Variants in ODF2 observed in about 807,000 individuals in gnomAD.
ODF2 encodes outer dense fiber protein 2.
In ODF2, 47 loss-of-function variants were observed where a neutral mutation model predicts 110.2. The ratio of observed to expected loss-of-function variants is 0.43; its 90% CI spans 0.34 to 0.54. ODF2 has a LOEUF of 0.54. Ranked by LOEUF, ODF2 falls within the 20% of genes least tolerant of loss-of-function variation. The pLI, the probability that ODF2 is intolerant of heterozygous loss-of-function variation, is 0.03. For synonymous variants in ODF2, 352 were observed against 397.7 expected, an observed-to-expected ratio of 0.89 and a Z score of 1.37; for missense variants, 812 against 1,054.5, an observed-to-expected ratio of 0.77 and a Z score of 3.19.
chr9:128,492,178 A>G (rs547816196), intron 14 of ODF2, among the ~76,000 whole-genome samples: 8 of 151,980 alleles, frequency 5.3e-5, no homozygotes, highest in Non-Finnish European at 7.4e-5. Flanking sequence ...TTTTATCCCC[A>G]TTTTCTTTAA....
intron 14 of ODF2, among the ~76,000 whole-genome samples, chr9:128,490,468 A>G (rs1306840644): frequency 1.3e-5 from 2 of 151,966 alleles, no homozygotes; most frequent in African/African-American, 2.4e-5. Context: ...ATTTTTAGTA[A>G]GAGACAGGGT....
In ODF2 at chr9:128,469,962, C is replaced by T. The variant is rs549089891; in HGVS notation, c.420+609C>T. Among the ~76,000 whole-genome samples, 255 of 95,392 alleles carry T rather than the reference C, an allele frequency of 2.7e-3. 2 individuals are homozygous for T. Among genetic ancestry groups the T allele is most frequent in the Middle Eastern group, 0.02 (2 of 100 alleles). The allele number at this position is 95,392 out of a possible 152,430, so 62.6% of individuals were successfully genotyped here. ...TTGTGCCATTGCACTGTAGCCTGGG[C>T]GACAGAGAGAGTCTCTGTCTCAAAA... On this transcript the variant is annotated intron_variant, in intron 5 of 20. Transcript: ENST00000604420.
intron 5 of ODF2, 180 bp downstream of exon 5, chr9:128,469,533 C>T (rs1167636572): frequency 1.3e-5 from 8 of 627,162 alleles, no homozygotes; most frequent in Non-Finnish European, 2.2e-5. Context: ...GATCCCATCC[C>T]ACCAACAAGG....
chr9:128,463,000 A>G (rs1056820860), intron 4 of ODF2, among the ~76,000 whole-genome samples: 6 of 152,134 alleles, frequency 3.9e-5, no homozygotes, highest in Admixed American at 3.3e-4. Flanking sequence ...GTGGGCTCAC[A>G]CCTGTAATCC....
rs772703875 is a variant in ODF2 at position 128,488,044 on chromosome 9, G to T, written c.1536+19G>T. On this transcript the variant is annotated intron_variant, in intron 14 of 20. Coordinates refer to ENST00000604420, the Ensembl canonical transcript of ODF2. Reference sequence around the variant, plus strand: ...GCTGAAGGTTCGCAGTGAGAGCTGGGGACCAGGCAGCTGGATGGGGCCCAG... The same window carrying T: ...GCTGAAGGTTCGCAGTGAGAGCTGGTGACCAGGCAGCTGGATGGGGCCCAG... 4.3e-6 allele frequency: 7 copies of T among 1,613,058 alleles called. No individual in the cohort carries two copies. In the African/African-American group the frequency reaches 9.3e-5, roughly 22 times the overall value.
chr9:128,488,700 T>A (rs182217953), intron 14 of ODF2, among the ~76,000 whole-genome samples: 2 of 152,264 alleles, frequency 1.3e-5, no homozygotes, highest in African/African-American at 4.8e-5. Flanking sequence ...AGTAACATGA[T>A]GATTATCTCC....
At chr9:128,492,926 A>G in intron 16 of ODF2, 121 bp downstream of exon 16, 1 of 746,432 alleles carries the variant, frequency 1.3e-6, no homozygotes. Context: ...AGGTGAGCTC[A>G]TTTTCTCATT....
At chr9:128,496,766 C>T (rs1457143783) in intron 18 of ODF2, among the ~76,000 whole-genome samples, 3 of 149,632 alleles carry the variant, frequency 2.0e-5, no homozygotes, top group Non-Finnish European at 4.5e-5. Flanking sequence ...GTCACTCTGT[C>T]ACCCAGGCTG....
Position 128,456,800 on chromosome 9 carries a change from C to G in ODF2, c.-208-398C>G, listed in dbSNP as rs1302851956. On this transcript the variant is annotated intron_variant, in intron 1 of 20. Transcript: ENST00000604420. ...CGCCCCCTCCCAGCCCGGCGTCTAT[C>G]CTGCTCAGAACTCTGTTCGGTTTTC... 3.7e-6 allele frequency: 4 copies of G among 1,079,862 alleles called. No homozygotes were observed. The Admixed American group carries it at 1.4e-4, about 39-fold the overall frequency. 66.9% of individuals were successfully genotyped at this position (1,079,862 alleles called of 1,614,324 possible). A position where few individuals can be genotyped will look rare whatever the true frequency, so the allele number is the denominator to read the frequency against.
intron 1 of ODF2, chr9:128,456,964 G>T (rs1198623427): frequency 1.8e-5 from 22 of 1,234,646 alleles, no homozygotes; most frequent in East Asian, 4.6e-5. Context: ...CAGCATCCCC[G>T]CGGCTCCCTG....
At chr9:128,486,365 C>A (rs1321786721) in intron 13 of ODF2, among the ~76,000 whole-genome samples, 1 of 152,192 alleles carries the variant, frequency 6.6e-6, no homozygotes, top group African/African-American at 2.4e-5. Context: ...CAGAAGCATA[C>A]ATGGTACAGG....
chr9:128,489,167 AG>A (rs1207970530), intron 14 of ODF2, among the ~76,000 whole-genome samples: 1 of 152,214 alleles, frequency 6.6e-6, no homozygotes, highest in Admixed American at 6.5e-5. Flanking sequence ...CCAGCCTGCC[AG>A]GAGTGAGAGG....
chr9:128,459,736 C>T, intron 3 of ODF2, 79 bp downstream of exon 2: 2 of 1,077,684 alleles, frequency 1.9e-6, no homozygotes, highest in Non-Finnish European at 2.8e-6. Context: ...TAGGAGGTGC[C>T]TTACCCTGCT....
chr9:128,483,891 A>G, intron 10 of ODF2, 47 bp from the exon 11 acceptor site: 1 of 1,390,420 alleles, frequency 7.2e-7, no homozygotes, highest in East Asian at 2.3e-5. Context: ...GTATGAAAAA[A>G]ACAAACAAAA....
At chr9:128,500,209 C>G in exon 21 of ODF2, 1 of 1,614,222 alleles carries the variant, frequency 6.2e-7, no homozygotes, top group Non-Finnish European at 8.5e-7. Flanking sequence ...CCCTATTCCA[C>G]CTTCCTGACT....
intron 4 of ODF2, among the ~76,000 whole-genome samples, chr9:128,466,466 C>A (rs1837933809): frequency 1.4e-5 from 2 of 138,274 alleles, no homozygotes. Context: ...GACCCCATCT[C>A]AAAAAAAAAA....
chr9:128,462,658 G>A (rs1025124773), intron 4 of ODF2, among the ~76,000 whole-genome samples: 4 of 151,060 alleles, frequency 2.6e-5, no homozygotes, highest in African/African-American at 9.8e-5. Context: ...GGAGTGCAGT[G>A]GTGCAATCTC....
intron 7 of ODF2, 34 bp from the exon 8 acceptor site, chr9:128,473,576 C>T (rs777876224): frequency 1.2e-6 from 2 of 1,610,932 alleles, no homozygotes; most frequent in South Asian, 2.2e-5. Context: ...CCCTTCTCCC[C>T]CTGCATCTGT....
chr9:128,487,640 A>C (rs1453355664), intron 13 of ODF2, among the ~76,000 whole-genome samples: 1 of 151,974 alleles, frequency 6.6e-6, no homozygotes, highest in East Asian at 1.9e-4. Context: ...ACAAGAACTT[A>C]GCCGGGCGTG....
Sources: allele counts gnomAD v4.1 joint callset (sites outside exome capture counted in the v4.1 genomes callset), GRCh38; gene constraint gnomAD v4.1.1; transcripts MANE v1.5; gene names NCBI Gene and HGNC (gene_info 2026-07-23, HGNC 2026-07-21).